Variants in EDEM3 observed in about 807,000 individuals in gnomAD.
EDEM3 encodes ER degradation-enhancing alpha-mannosidase-like protein 3.
Under a neutral mutation model 110.2 loss-of-function variants are expected in EDEM3, and 60 were observed. The observed-to-expected ratio is 0.54, with a 90% confidence interval of 0.44 to 0.67. The LOEUF (loss-of-function observed/expected upper bound fraction) is 0.67. Among genes scored for constraint, EDEM3 ranks in the 30% least tolerant of loss-of-function variants. The pLI is 0.00. For missense variants in EDEM3, 996 were observed against 1,121.0 expected, an observed-to-expected ratio of 0.89 and a Z score of 1.59; for synonymous variants, 352 against 382.9, an observed-to-expected ratio of 0.92 and a Z score of 0.94.
At chr1:184,704,242 C>T (rs1558043357) in intron 18 of EDEM3, among the ~76,000 whole-genome samples, 1 of 151,988 alleles carries the variant, frequency 6.6e-6, no homozygotes. Flanking sequence ...ACCCTTGCAA[C>T]AAAAAACAGC....
intron 11 of EDEM3, among the ~76,000 whole-genome samples, chr1:184,718,674 CA>C (rs1191535201): frequency 1.3e-5 from 2 of 152,050 alleles, no homozygotes; most frequent in African/African-American, 2.4e-5. Flanking sequence ...GTATAAAAAT[CA>C]GGAAGAATAA....
Position 184,754,678 on chromosome 1 carries a change from A to G in EDEM3, c.-32T>C. The G allele has an allele frequency of 6.6e-7, 1 of 1,509,104 alleles. No homozygotes were observed. Among genetic ancestry groups the G allele is most frequent in the Non-Finnish European group, 8.8e-7 (1 of 1,130,706 alleles). 93.5% of individuals were successfully genotyped at this position (1,509,104 alleles called of 1,614,324 possible). A position where few individuals can be genotyped will look rare whatever the true frequency, so the allele number is the denominator to read the frequency against. The stretch of plus-strand genomic sequence containing the variant: ...GCGGTTCCGCGCACGCGCAGCTGCT[A>G]CGCCCGGCCGGTGAGACACATTGCT... On this transcript the variant is annotated 5_prime_UTR_variant, in exon 1 of 20. An upstream open reading frame in the 5' UTR loses its in-frame stop. Transcript: ENST00000318130.
At chr1:184,731,738 G>A (rs1289046970) in intron 6 of EDEM3, among the ~76,000 whole-genome samples, 1 of 152,072 alleles carries the variant, frequency 6.6e-6, no homozygotes, top group Non-Finnish European at 1.5e-5. Flanking sequence ...TCTTCCTTCT[G>A]CAGCATAATC....
chr1:184,691,139 A>G lies in EDEM3; in HGVS notation c.*2924T>C, dbSNP rs965094833. 6.6e-6 allele frequency: 1 copy of G among 152,582 alleles called. No homozygotes were observed. The highest frequency in any genetic ancestry group is 1.5e-5 in the Non-Finnish European group (1 of 67,978). 9.5% of individuals were successfully genotyped at this position (152,582 alleles called of 1,614,324 possible). ...AGAGTTAATTTGTTCTGAAACAATT[A>G]TACTCTTTTTGGAAGCCTATTGCAA... On this transcript the variant is annotated 3_prime_UTR_variant, in exon 20 of 20. Transcript: ENST00000318130.
chr1:184,723,726 G>T, intron 8 of EDEM3, 25 bp downstream of exon 8: 2 of 1,521,486 alleles, frequency 1.3e-6, no homozygotes, highest in African/African-American at 2.8e-5. Flanking sequence ...GCAAAGGCTT[G>T]ATTTAAAAAG....
At chr1:184,717,361 C>T (rs1650608817) in intron 12 of EDEM3, among the ~76,000 whole-genome samples, 179 bp downstream of exon 12, 1 of 151,914 alleles carries the variant, frequency 6.6e-6, no homozygotes, top group South Asian at 2.1e-4. Context: ...AAAAACCTTG[C>T]ATGTCAATTC....
chr1:184,723,654 A>C (rs1651022851), intron 8 of EDEM3, 97 bp downstream of exon 8: 1 of 1,007,872 alleles, frequency 9.9e-7, no homozygotes, highest in Non-Finnish European at 1.5e-6. Flanking sequence ...CCTATGCTTT[A>C]TAGTATCCCA....
intron 2 of EDEM3, among the ~76,000 whole-genome samples, chr1:184,743,951 A>G (rs1652277376): frequency 6.6e-6 from 1 of 151,964 alleles, no homozygotes. Flanking sequence ...TCAGTTATAG[A>G]TCTAATGAAC....
chr1:184,746,528 T>C (rs964785443), intron 2 of EDEM3, among the ~76,000 whole-genome samples: 1 of 152,238 alleles, frequency 6.6e-6, no homozygotes. Context: ...AGCACTTTCA[T>C]TATATTAACT....
chr1:184,705,106 A>G (rs1649844463), intron 18 of EDEM3, among the ~76,000 whole-genome samples: 1 of 152,072 alleles, frequency 6.6e-6, no homozygotes, highest in Non-Finnish European at 1.5e-5. Flanking sequence ...ATTATTGCAT[A>G]CTATAGAAGA....
intron 3 of EDEM3, 60 bp from the exon 4 acceptor site, chr1:184,737,124 AC>A (rs1651872180): frequency 7.2e-7 from 1 of 1,389,968 alleles, no homozygotes; most frequent in Non-Finnish European, 1.0e-6. Context: ...TTATGAATGT[AC>A]AAGTAGACTT....
At chr1:184,697,664 CCTAA>C (rs775794638) in intron 19 of EDEM3, among the ~76,000 whole-genome samples, 3 of 151,600 alleles carry the variant, frequency 2.0e-5, no homozygotes, top group Non-Finnish European at 4.4e-5. Context: ...TGGAAAGACT[CCTAA>C]CTTTTATTTT....
chr1:184,748,946 AT>A (rs768311799), intron 2 of EDEM3, among the ~76,000 whole-genome samples: 1 of 152,006 alleles, frequency 6.6e-6, no homozygotes, highest in African/African-American at 2.4e-5. Context: ...TATGTGCAAA[AT>A]TTTTTTTGAA....
chr1:184,743,842 T>G (rs1254126375), intron 2 of EDEM3, among the ~76,000 whole-genome samples: 1 of 152,080 alleles, frequency 6.6e-6, no homozygotes, highest in Non-Finnish European at 1.5e-5. Context: ...GGAAAGGATA[T>G]TATTTTCAAC....
intron 2 of EDEM3, among the ~76,000 whole-genome samples, chr1:184,748,978 T>A (rs1424310051): frequency 6.6e-6 from 1 of 152,242 alleles, no homozygotes; most frequent in Middle Eastern, 3.2e-3. Flanking sequence ...TGCTATTTCA[T>A]CTACGTTGTT....
intron 13 of EDEM3, among the ~76,000 whole-genome samples, chr1:184,715,132 T>C (rs546337396): frequency 3.3e-5 from 5 of 152,236 alleles, no homozygotes; most frequent in South Asian, 4.2e-4. Context: ...CAGACAGTTA[T>C]GGTGCTGTGT....
At chr1:184,752,020 T>C (rs922542836) in intron 1 of EDEM3, among the ~76,000 whole-genome samples, 1 of 152,244 alleles carries the variant, frequency 6.6e-6, no homozygotes, top group Non-Finnish European at 1.5e-5. Flanking sequence ...CCCAAAGTGC[T>C]GGGATTACAG....
chr1:184,754,377 G>A, intron 1 of EDEM3, 112 bp downstream of exon 1: 2 of 1,507,594 alleles, frequency 1.3e-6, no homozygotes, highest in Non-Finnish European at 1.8e-6. Context: ...CGCGGGAAGA[G>A]CCGTTCCAAT....
At chr1:184,729,956 T>C (rs1406261279) in intron 6 of EDEM3, among the ~76,000 whole-genome samples, 3 of 152,172 alleles carry the variant, frequency 2.0e-5, no homozygotes, top group East Asian at 3.8e-4. Flanking sequence ...TAAATGTTTA[T>C]ATATTGTTTA....
Sources: gnomAD v4.1 joint callset for allele counts (sites outside exome capture counted in the v4.1 genomes callset) on GRCh38, gnomAD v4.1.1 for gene constraint, MANE v1.5 for transcripts, NCBI Gene and HGNC (gene_info 2026-07-23, HGNC 2026-07-21) for gene names.